Variants in BCAS3 observed in about 807,000 individuals in gnomAD.
The protein encoded by BCAS3 is BCAS3 microtubule associated cell migration factor, also known as BCAS4/BCAS3 fusion.
Under a neutral mutation model 116.1 loss-of-function variants are expected in BCAS3, and 53 were observed. That is an observed-to-expected ratio of 0.46 (90% CI 0.37 to 0.57). BCAS3 has a LOEUF of 0.57. Ranked by LOEUF, BCAS3 falls within the 20% of genes least tolerant of loss-of-function variation. BCAS3 has a pLI of 0.00. For missense variants in BCAS3, 917 were observed against 1,165.4 expected, an observed-to-expected ratio of 0.79 and a Z score of 3.10; for synonymous variants, 391 against 408.2, an observed-to-expected ratio of 0.96 and a Z score of 0.51.
At chr17:61,079,095 A>G (rs1174490071) in intron 21 of BCAS3, among the ~76,000 whole-genome samples, 3 of 151,976 alleles carry the variant, frequency 2.0e-5, no homozygotes, top group Non-Finnish European at 2.9e-5. Flanking sequence ...TGCAACTCAG[A>G]CAGTTTTGAC....
intron 14 of BCAS3, among the ~76,000 whole-genome samples, chr17:60,976,020 C>CTTTTTTTCTTT (rs2062327433): frequency 1.0e-5 from 1 of 98,286 alleles, no homozygotes; most frequent in African/African-American, 4.2e-5. Context: ...TAGATTTTTG[C>CTTTTTTTCTTT]TTTTTTTTTT....
intron 6 of BCAS3, among the ~76,000 whole-genome samples, chr17:60,786,409 A>G (rs953181431): frequency 6.6e-6 from 1 of 151,972 alleles, no homozygotes; most frequent in Non-Finnish European, 1.5e-5. Flanking sequence ...GTAGTCCCAG[A>G]TACTCAGGAG....
intron 22 of BCAS3, among the ~76,000 whole-genome samples, chr17:61,135,319 G>T (rs2076564726): frequency 1.3e-5 from 2 of 152,210 alleles, no homozygotes; most frequent in South Asian, 4.1e-4. Context: ...AGTGTCAAGT[G>T]CTCACTAATT....
intron 22 of BCAS3, among the ~76,000 whole-genome samples, chr17:61,202,774 A>G (rs750776487): frequency 3.3e-4 from 50 of 152,238 alleles, no homozygotes; most frequent in Admixed American, 1.0e-3. Flanking sequence ...ACTCAAAAGC[A>G]TGTCTTGTTG....
intron 2 of BCAS3, among the ~76,000 whole-genome samples, chr17:60,680,217 T>C (rs2032821438): frequency 6.6e-6 from 1 of 151,958 alleles, no homozygotes; most frequent in African/African-American, 2.4e-5. Flanking sequence ...TATTGTTTCA[T>C]GACATGCACA....
rs962418086 is a variant in BCAS3 at position 61,241,477 on chromosome 17, C to A, written c.2426-126850C>A. Among the ~76,000 whole-genome samples the A allele has an allele frequency of 6.6e-6, 1 of 151,832 alleles. No individual in the cohort carries two copies. Among genetic ancestry groups the A allele is most frequent in the Non-Finnish European group, 1.5e-5 (1 of 67,982 alleles). ...CTGTAATCCCAACACTTTGGGAGGC[C>A]GAGGCAGGCGGATCACGAGGTCAGG... On this transcript the variant is annotated intron_variant, in intron 22 of 23. Coordinates refer to ENST00000407086, the MANE Select transcript of BCAS3 (RefSeq NM_017679.5). This position sits in a 1 kb window ranked among gnomAD's most constrained non-coding sequence, Gnocchi z 4.6.
chr17:61,028,031 GT>G lies in BCAS3; in HGVS notation c.1638-6633del, dbSNP rs1264494607. The stretch of plus-strand genomic sequence containing the variant: ...TAATTTAGTCAGAATACTGAAAAGA[GT>G]TCTGCACATATGTGTAGTTCTCATA... On this transcript the variant is annotated intron_variant, in intron 16 of 23. Coordinates refer to ENST00000407086, the MANE Select transcript of BCAS3 (RefSeq NM_017679.5). This position sits in a 1 kb window ranked among gnomAD's most constrained non-coding sequence, Gnocchi z 4.3. Among the ~76,000 whole-genome samples the G allele has an allele frequency of 6.6e-6, 1 of 151,884 alleles. No individual in the cohort carries two copies. The highest frequency in any genetic ancestry group is 2.4e-5 in the African/African-American group (1 of 41,416).
intron 5 of BCAS3, chr17:60,727,584 CTT>C: frequency 1.1e-6 from 1 of 906,232 alleles, no homozygotes; most frequent in South Asian, 2.2e-5. Context: ...AAAAAACAGA[CTT>C]TATTTTTAAG....
rs1042125341 is a variant in BCAS3 at position 60,850,657 on chromosome 17, C to A, written c.477-17919C>A. ...TAGAGGCGTGAGCCACTGCGCCCGG[C>A]CAATTTTAGACCTTTTCTGACAAGC... On this transcript the variant is annotated intron_variant, in intron 7 of 23. Transcript: ENST00000407086. 2.0e-5 allele frequency among the ~76,000 whole-genome samples: 3 copies of A among 152,222 alleles called. No individual in the cohort carries two copies. The East Asian group carries it at 5.8e-4, about 29-fold the overall frequency.
Position 61,198,068 on chromosome 17 carries a change from T to G in BCAS3, c.2425+113504T>G, listed in dbSNP as rs1356988162. Among the ~76,000 whole-genome samples the G allele has an allele frequency of 3.9e-5, 6 of 152,120 alleles. No homozygotes were observed. Among genetic ancestry groups the G allele is most frequent in the African/African-American group, 1.4e-4 (6 of 41,402 alleles). On this transcript the variant is annotated intron_variant, in intron 22 of 23. Transcript: ENST00000407086. The surrounding 1 kb of genome is among the most constrained non-coding windows in gnomAD (Gnocchi z 5.0). ...CATCTTCATGTTTATATCCACTGAG[T>G]CTGGCACATATGAGTACTTAGTGGA...
At chr17:61,255,757 A>G (rs1276368477) in intron 22 of BCAS3, among the ~76,000 whole-genome samples, 3 of 152,216 alleles carry the variant, frequency 2.0e-5, no homozygotes, top group Non-Finnish European at 4.4e-5. Flanking sequence ...TTCCGGATGT[A>G]GCTGCTCTTG....
intron 22 of BCAS3, among the ~76,000 whole-genome samples, chr17:61,170,174 T>A (rs1231569912): frequency 6.6e-6 from 1 of 151,488 alleles, no homozygotes; most frequent in African/African-American, 2.4e-5. Context: ...TTCTAATCAG[T>A]TGGGTATTCC....
rs1176679300 is a variant in BCAS3, at chr17:61,261,207, G to A, written c.2426-107120G>A. ...TTAGGGAAGTACCTCCCTGGGGAGC[G>A]GGTGGACAGGGAAAGAAGGTTTGAT... On this transcript the variant is annotated intron_variant, in intron 22 of 23. Transcript: ENST00000407086. This position sits in a 1 kb window ranked among gnomAD's most constrained non-coding sequence, Gnocchi z 4.4. Among the ~76,000 whole-genome samples the A allele has an allele frequency of 3.9e-5, 6 of 152,168 alleles. No individual in the cohort carries two copies. Among genetic ancestry groups the A allele is most frequent in the East Asian group, 1.9e-4 (1 of 5,192 alleles).
At chr17:60,775,512 CTT>C (rs1276464505) in intron 6 of BCAS3, among the ~76,000 whole-genome samples, 1 of 147,198 alleles carries the variant, frequency 6.8e-6, no homozygotes, top group Non-Finnish European at 1.5e-5. Context: ...ATTTTTTTCT[CTT>C]GTTGTTGTTA....
rs2054740988 is a variant in BCAS3 at position 61,316,463 on chromosome 17, T to C, written c.2426-51864T>C. 6.6e-6 allele frequency among the ~76,000 whole-genome samples: 1 copy of C among 152,156 alleles called. No individual in the cohort carries two copies. Among genetic ancestry groups the C allele is most frequent in the Admixed American group, 6.5e-5 (1 of 15,290 alleles). On this transcript the variant is annotated intron_variant, in intron 22 of 23. Coordinates refer to ENST00000407086, the MANE Select transcript of BCAS3 (RefSeq NM_017679.5). This position sits in a 1 kb window ranked among gnomAD's most constrained non-coding sequence, Gnocchi z 5.8. ...CCTTTGTTGGTACTGGTCCCTGAGA[T>C]GTCCCCGGACATGCCCCTCACCCAG...
intron 22 of BCAS3, among the ~76,000 whole-genome samples, chr17:61,317,824 A>C (rs966011856): frequency 2.6e-5 from 4 of 152,324 alleles, no homozygotes; most frequent in African/African-American, 9.6e-5. Flanking sequence ...GAGCAGAGAC[A>C]CGGTGTCAGA....
chr17:60,986,772 C>T (rs1319485222), intron 14 of BCAS3: 1 of 151,998 alleles, frequency 6.6e-6, no homozygotes, highest in Non-Finnish European at 1.5e-5. Flanking sequence ...ATATTTTCTC[C>T]CAATCTTCGG....
intron 5 of BCAS3, among the ~76,000 whole-genome samples, chr17:60,731,924 G>A (rs944236887): frequency 1.8e-4 from 28 of 151,574 alleles, no homozygotes; most frequent in African/African-American, 6.6e-4. Flanking sequence ...GATTATAGGT[G>A]CTTGCTACCA....
At chr17:60,693,441 C>T (rs2035139760) in intron 4 of BCAS3, among the ~76,000 whole-genome samples, 1 of 151,448 alleles carries the variant, frequency 6.6e-6, no homozygotes, top group South Asian at 2.1e-4. Context: ...CAGAGTCTCA[C>T]TTTTTCACCC....
Sources: allele counts gnomAD v4.1 joint callset (sites outside exome capture counted in the v4.1 genomes callset), GRCh38; gene constraint gnomAD v4.1.1; non-coding constraint Gnocchi (gnomAD v3.1); transcripts MANE v1.5; gene names NCBI Gene and HGNC (gene_info 2026-07-23, HGNC 2026-07-21).